The following DCAF8L2 variants were observed in gnomAD, a reference collection of about 807,000 sequenced individuals.
The protein encoded by DCAF8L2 is DDB1- and CUL4-associated factor 8-like protein 2.
For missense variants in DCAF8L2, 430 were observed against 490.7 expected, an observed-to-expected ratio of 0.88 and a Z score of 1.17; for synonymous variants, 200 against 190.9, an observed-to-expected ratio of 1.05 and a Z score of -0.39.
chrX:27,504,174 C>T, the DCAF8L2 span, among the ~76,000 whole-genome samples: 805 of 112,156 alleles, frequency 7.2e-3, 11 homozygotes, highest in African/African-American at 0.024. Flanking sequence ...TTAACCTAAA[C>T]GATTTGGTTA....
intron 1 of DCAF8L2, among the ~76,000 whole-genome samples, chrX:27,628,265 C>CT (rs374061723): frequency 4.5e-5 from 5 of 111,162 alleles, no homozygotes; most frequent in South Asian, 3.8e-4. Context: ...AAAGGATTTT[C>CT]TTTTTTTTAA....
the DCAF8L2 span, chrX:27,518,085 T>A: frequency 2.2e-6 from 2 of 896,958 alleles, no homozygotes; most frequent in Admixed American, 2.2e-5. Flanking sequence ...TTCCTGAAGA[T>A]GTTTCTGAGG....
chrX:27,582,231 C>G, the DCAF8L2 span, among the ~76,000 whole-genome samples: 28 of 111,731 alleles, frequency 2.5e-4, no homozygotes, highest in African/African-American at 8.5e-4. Flanking sequence ...TATCTCTCAT[C>G]TAGCTTTTCC....
At chrX:27,662,309 CTATT>C (rs1276875633) in intron 2 of DCAF8L2, among the ~76,000 whole-genome samples, 13 of 111,177 alleles carry the variant, frequency 1.2e-4, no homozygotes, top group African/African-American at 3.6e-4. Context: ...AAAAATTAGT[CTATT>C]TATTCTTAGG....
the DCAF8L2 span, among the ~76,000 whole-genome samples, chrX:27,559,747 C>T: frequency 9.0e-6 from 1 of 111,550 alleles, no homozygotes; most frequent in South Asian, 3.8e-4. Context: ...ATGCCTCTGC[C>T]ATGGAGGATG....
chrX:27,742,552 A>T (rs1438254043), intron 4 of DCAF8L2, among the ~76,000 whole-genome samples: 1 of 108,353 alleles, frequency 9.2e-6, no homozygotes, highest in Non-Finnish European at 1.9e-5. Context: ...CTGGGCCACA[A>T]AGCAAGACTC....
At chrX:27,597,240 A>C (rs1439246553) in intron 1 of DCAF8L2, among the ~76,000 whole-genome samples, 1 of 111,930 alleles carries the variant, frequency 8.9e-6, no homozygotes, top group East Asian at 2.8e-4. Flanking sequence ...TAGCAGATAT[A>C]GGAAGGGAAA....
chrX:27,543,070 C>T, the DCAF8L2 span, among the ~76,000 whole-genome samples: 2 of 112,052 alleles, frequency 1.8e-5, no homozygotes, highest in Non-Finnish European at 3.8e-5. Flanking sequence ...AAGGCCAATG[C>T]CTAGAATTGT....
At chrX:27,683,852 T>A (rs948946452) in intron 3 of DCAF8L2, among the ~76,000 whole-genome samples, 1 of 111,867 alleles carries the variant, frequency 8.9e-6, no homozygotes, top group Non-Finnish European at 1.9e-5. Flanking sequence ...CTGAGGGGTG[T>A]TCACCTGAGA....
At chrX:27,715,694 T>C (rs1173042329) in intron 3 of DCAF8L2, among the ~76,000 whole-genome samples, 4 of 111,762 alleles carry the variant, frequency 3.6e-5, no homozygotes, top group Non-Finnish European at 7.5e-5. Flanking sequence ...AAGTTATTGA[T>C]GCAAAATAAA....
the DCAF8L2 span, among the ~76,000 whole-genome samples, chrX:27,565,649 A>G: frequency 1.8e-5 from 2 of 111,433 alleles, no homozygotes; most frequent in African/African-American, 6.5e-5. Flanking sequence ...TAAGTGTTTC[A>G]CTGAGGCCAT....
At chrX:27,617,840 AGAT>A (rs1156413349) in intron 1 of DCAF8L2, among the ~76,000 whole-genome samples, 1 of 111,887 alleles carries the variant, frequency 8.9e-6, no homozygotes, top group African/African-American at 3.2e-5. Context: ...CAGAGGAACT[AGAT>A]AATTATGTCT....
the DCAF8L2 span, among the ~76,000 whole-genome samples, chrX:27,555,473 G>T: frequency 8.9e-6 from 1 of 111,929 alleles, no homozygotes; most frequent in Non-Finnish European, 1.9e-5. Flanking sequence ...TCAAGGCAAT[G>T]CATGGGTCTC....
At chrX:27,682,515 T>G (rs1261159250) in intron 3 of DCAF8L2, among the ~76,000 whole-genome samples, 1 of 111,669 alleles carries the variant, frequency 9.0e-6, no homozygotes, top group East Asian at 2.8e-4. Context: ...TTATCTGGTT[T>G]AGACCTTCTT....
chrX:27,548,175 T>A, the DCAF8L2 span, among the ~76,000 whole-genome samples: 1 of 107,700 alleles, frequency 9.3e-6, no homozygotes, highest in Non-Finnish European at 1.9e-5. Flanking sequence ...TGAAGCTGAT[T>A]ATTGAATATA....
At chrX:27,471,439 A>C in the DCAF8L2 span, among the ~76,000 whole-genome samples, 3 of 111,023 alleles carry the variant, frequency 2.7e-5, no homozygotes, top group Non-Finnish European at 3.8e-5. Context: ...ACCAGGCCCC[A>C]CCGCCTCACC....
the DCAF8L2 span, among the ~76,000 whole-genome samples, chrX:27,477,065 A>G: frequency 8.9e-6 from 1 of 111,991 alleles, no homozygotes; most frequent in African/African-American, 3.3e-5. Flanking sequence ...CCTAGAAATA[A>G]TGATGAACAA....
the DCAF8L2 span, among the ~76,000 whole-genome samples, chrX:27,493,950 A>C: frequency 9.0e-6 from 1 of 110,828 alleles, no homozygotes; most frequent in Non-Finnish European, 1.9e-5. Context: ...TTCCTTTCTA[A>C]TGTAGAATCC....
At chrX:27,586,803 A>G (rs1925912843), upstream of DCAF8L2, among the ~76,000 whole-genome samples, 1 of 110,826 alleles carries the variant, frequency 9.0e-6, no homozygotes, top group Non-Finnish European at 1.9e-5. Context: ...GGAATAGAAT[A>G]TATTCCTGCA....
Sources: allele counts gnomAD v4.1 joint callset (sites outside exome capture counted in the v4.1 genomes callset), GRCh38; gene constraint gnomAD v4.1.1; transcripts MANE v1.5; gene names NCBI Gene and HGNC (gene_info 2026-07-23, HGNC 2026-07-21).